Variants in ZNF841 observed in about 807,000 individuals in gnomAD.
ZNF841 encodes the protein zinc finger protein 841.
Under a neutral mutation model 13.0 loss-of-function variants are expected in ZNF841, and 11 were observed. The ratio of observed to expected loss-of-function variants is 0.85; its 90% CI spans 0.53 to 1.40. The LOEUF (loss-of-function observed/expected upper bound fraction) is 1.40. Ranked by LOEUF, ZNF841 falls within the 40% of genes most tolerant of loss-of-function variation. The pLI, the probability that ZNF841 is intolerant of heterozygous loss-of-function variation, is 0.00. For missense variants in ZNF841, 1,068 were observed against 1,139.5 expected (o/e 0.94, Z 0.90); for synonymous variants, 369 against 381.6 (o/e 0.97, Z 0.38).
chr19:52,058,507 A>G, the ZNF841 span: 1 of 152,240 alleles, frequency 6.6e-6, no homozygotes, highest in Admixed American at 6.5e-5. Flanking sequence ...AGATTCTTTA[A>G]TTCAACACTG....
intron 4 of ZNF841, among the ~76,000 whole-genome samples, chr19:52,084,100 C>T (rs915707313): frequency 3.3e-5 from 5 of 151,958 alleles, no homozygotes; most frequent in Admixed American, 2.0e-4. Context: ...AAATTATAAC[C>T]GTTTTACAAA....
At chr19:52,092,310 A>G (rs2088522957) in intron 2 of ZNF841, among the ~76,000 whole-genome samples, 1 of 152,232 alleles carries the variant, frequency 6.6e-6, no homozygotes, top group Non-Finnish European at 1.5e-5. Flanking sequence ...AAAATACCCC[A>G]AATAATCTCA....
intron 6 of ZNF841, among the ~76,000 whole-genome samples, chr19:52,072,470 T>C (rs573761002): frequency 1.1e-3 from 164 of 152,262 alleles, no homozygotes; most frequent in African/African-American, 3.9e-3. Flanking sequence ...TCGTAAAGCA[T>C]AACTTATCCC....
rs1338551647 is a variant in ZNF841, at chr19:52,065,714, C to T, written c.2168G>A (p.Ser723Asn). The change falls in exon 7 of 7, where the codon AGT (serine) becomes AAT (asparagine). Residue 723 changes from serine (S) to asparagine (N), a missense_variant. Transcript: ENST00000594440. ...ECGRTFSHKT[S>N]LVYHQRRHTG... ...ATGTCTTCTCTGATGGTACACCAGA[C>T]TTGTTTTATGACTAAAAGTTCTACC... 6.2e-7 allele frequency: 1 copy of T among 1,604,160 alleles called. No homozygotes were observed. The highest frequency in any genetic ancestry group is 8.5e-7 in the Non-Finnish European group (1 of 1,174,686).
Position 52,077,027 on chromosome 19 carries a change from G to A in ZNF841, c.73C>T (p.Leu25=). The change falls in exon 5 of 7, where the codon CTG becomes TTG. Residue 25 remains leucine (L), a synonymous_variant. Coordinates refer to ENST00000594440, the MANE Select transcript of ZNF841 (RefSeq NM_001136499.2). ...VEFSQEEWKC[L]DPVQKALYRD... is the part of the protein sequence containing the mutation. ...TACAAAGCTTTCTGAACAGGGTCCAGGCATTTCCACTCCTCCTGAGAGAAT... is the reference window on the plus strand; with the variant it reads ...TACAAAGCTTTCTGAACAGGGTCCAAGCATTTCCACTCCTCCTGAGAGAAT... 7 of 1,613,360 alleles carry A rather than the reference G, an allele frequency of 4.3e-6. No homozygotes were observed. Among genetic ancestry groups the A allele is most frequent in the Non-Finnish European group, 5.9e-6 (7 of 1,179,570 alleles).
chr19:52,074,754 T>G (rs1312868770), intron 6 of ZNF841, among the ~76,000 whole-genome samples: 2 of 152,194 alleles, frequency 1.3e-5, no homozygotes, highest in African/African-American at 4.8e-5. Flanking sequence ...TAACCTCAGG[T>G]GATCCACCCG....
intron 4 of ZNF841, among the ~76,000 whole-genome samples, chr19:52,078,656 A>G (rs577832269): frequency 2.7e-5 from 4 of 148,522 alleles, no homozygotes; most frequent in Admixed American, 6.8e-5. Context: ...CCGAGATCGC[A>G]CCACTGCACT....
intron 4 of ZNF841, among the ~76,000 whole-genome samples, chr19:52,077,768 C>T (rs534287371): frequency 5.3e-5 from 8 of 152,260 alleles, no homozygotes; most frequent in East Asian, 1.9e-4. Context: ...GTGGCTATAA[C>T]GAAATAAGAG....
At chr19:52,059,760 A>C (rs931185254), downstream of ZNF841, among the ~76,000 whole-genome samples, 2 of 152,182 alleles carry the variant, frequency 1.3e-5, no homozygotes, top group African/African-American at 4.8e-5. Context: ...AACGTCCTTA[A>C]GCTAAATTGA....
intron 5 of ZNF841, 96 bp downstream of exon 5, chr19:52,076,862 C>A: frequency 6.8e-7 from 1 of 1,463,648 alleles, no homozygotes; most frequent in South Asian, 1.2e-5. Context: ...GCTTCAGTCT[C>A]TGTCAAATAA....
At chr19:52,064,159 A>C (rs1451024417), downstream of ZNF841, among the ~76,000 whole-genome samples, 1 of 151,512 alleles carries the variant, frequency 6.6e-6, no homozygotes, top group East Asian at 1.9e-4. Flanking sequence ...CCTGGCTAAC[A>C]AGGTGAAACC....
intron 3 of ZNF841, among the ~76,000 whole-genome samples, chr19:52,088,681 T>G (rs2088370783): frequency 6.6e-6 from 1 of 152,204 alleles, no homozygotes; most frequent in African/African-American, 2.4e-5. Flanking sequence ...TGTGGTGAGC[T>G]CAGGTACCTG....
chr19:52,064,375 A>C (rs1005889120), downstream of ZNF841: 14 of 144,460 alleles, frequency 9.7e-5, no homozygotes, highest in African/African-American at 3.3e-4. Context: ...AAAAAAAAAA[A>C]AAAAAAAAAA....
At chr19:52,090,386 CTCTT>C (rs2088429697) in intron 2 of ZNF841, among the ~76,000 whole-genome samples, 1 of 151,832 alleles carries the variant, frequency 6.6e-6, no homozygotes, top group African/African-American at 2.4e-5. Context: ...CATAGTGAGA[CTCTT>C]TCTCTACAAA....
downstream of ZNF841, among the ~76,000 whole-genome samples, chr19:52,059,837 C>T (rs755862794): frequency 6.6e-6 from 1 of 152,212 alleles, no homozygotes; most frequent in Non-Finnish European, 1.5e-5. Flanking sequence ...TTGCAAACCT[C>T]TACCTTTTCT....
the ZNF841 span, chr19:52,058,619 C>G: frequency 6.6e-6 from 1 of 152,476 alleles, no homozygotes; most frequent in Non-Finnish European, 1.5e-5. Context: ...AAATAGGACC[C>G]TTTACATAAC....
intron 2 of ZNF841, among the ~76,000 whole-genome samples, chr19:52,089,745 A>T (rs16983443): frequency 6.6e-6 from 1 of 151,864 alleles, no homozygotes; most frequent in African/African-American, 2.4e-5. Context: ...AGTTCCACAT[A>T]CCCCTTGCTC....
chr19:52,084,222 A>G lies in ZNF841; in HGVS notation c.15+565T>C, dbSNP rs56334318. Among the ~76,000 whole-genome samples the G allele has an allele frequency of 8.0e-3, 1,217 of 152,226 alleles. 21 individuals carry two copies. The highest frequency in any genetic ancestry group is 0.028 in the African/African-American group (1,162 of 41,512). On this transcript the variant is annotated intron_variant, in intron 4 of 6. Coordinates refer to ENST00000594440, the MANE Select transcript of ZNF841 (RefSeq NM_001136499.2). ...CAGGTTGATTTCATATTTTAAAATC[A>G]ATGATGGAATAAAACAACCTCTATC... is the stretch of plus-strand genomic sequence containing the variant.
chr19:52,064,190 A>T (rs984437183), downstream of ZNF841, among the ~76,000 whole-genome samples: 8 of 150,824 alleles, frequency 5.3e-5, no homozygotes, highest in Admixed American at 4.6e-4. Context: ...TAAAAATACA[A>T]AAAAAATTAG....
Sources: gnomAD v4.1 joint callset for allele counts (sites outside exome capture counted in the v4.1 genomes callset) on GRCh38, gnomAD v4.1.1 for gene constraint, MANE v1.5 for transcripts, NCBI Gene and HGNC (gene_info 2026-07-23, HGNC 2026-07-21) for gene names.